The following SRBD1 variants were observed in gnomAD, a reference collection of about 807,000 sequenced individuals.
The protein encoded by SRBD1 is S1 RNA binding domain 1.
Under a neutral mutation model 115.3 loss-of-function variants are expected in SRBD1, and 88 were observed. The ratio of observed to expected loss-of-function variants is 0.76; its 90% CI spans 0.64 to 0.91. The LOEUF (loss-of-function observed/expected upper bound fraction) is 0.91, where lower values mean the gene tolerates loss of function less well. Ranked by LOEUF, SRBD1 falls within the 40% of genes least tolerant of loss-of-function variation. The pLI is 0.00. For missense variants in SRBD1, 1,385 were observed against 1,177.4 expected (o/e 1.18, Z -2.58); for synonymous variants, 509 against 407.7 (o/e 1.25, Z -2.99).
chr2:45,514,653 T>C (rs979229678), intron 14 of SRBD1, among the ~76,000 whole-genome samples: 1 of 152,118 alleles, frequency 6.6e-6, no homozygotes, highest in Non-Finnish European at 1.5e-5. Context: ...CAGAATCATA[T>C]GGGATGGCGG....
chr2:45,436,439 G>A (rs1291053022), intron 16 of SRBD1, among the ~76,000 whole-genome samples: 1 of 152,192 alleles, frequency 6.6e-6, no homozygotes, highest in Non-Finnish European at 1.5e-5. Context: ...ATATAAGATT[G>A]TGAGGTGTAT....
At position 45,569,207 on chromosome 2, in the gene SRBD1, G is replaced by T. The variant is rs1203310766; in HGVS notation, c.1305+4000C>A. The T allele has an allele frequency of 4.6e-5, 7 of 152,078 alleles. 1 individual carries two copies. The South Asian group carries it at 1.0e-3, about 23-fold the overall frequency. The allele number at this position is 152,078 out of a possible 1,614,324, so 9.4% of individuals were successfully genotyped here. A position where few individuals can be genotyped will look rare whatever the true frequency, so the allele number is the denominator to read the frequency against. On this transcript the variant is annotated intron_variant, in intron 9 of 20. Coordinates refer to ENST00000263736, the MANE Select transcript of SRBD1 (RefSeq NM_018079.5). ...ACTTTTTTATTTTTTTAAGAGGCAGGGTCCCACTGTTGACCAGGCTGGAAT... is the reference window on the plus strand; with the variant it reads ...ACTTTTTTATTTTTTTAAGAGGCAGTGTCCCACTGTTGACCAGGCTGGAAT...
At chr2:45,503,101 A>C (rs1360174188) in intron 14 of SRBD1, among the ~76,000 whole-genome samples, 2 of 152,216 alleles carry the variant, frequency 1.3e-5, no homozygotes, top group Non-Finnish European at 2.9e-5. Context: ...TGAAAGCTTA[A>C]GAGTTTTCCA....
intron 16 of SRBD1, among the ~76,000 whole-genome samples, chr2:45,458,931 A>T: frequency 6.9e-6 from 1 of 144,276 alleles, no homozygotes; most frequent in East Asian, 2.0e-4. Context: ...CAAGTCTCAA[A>T]TACTAAAGAG....
intron 14 of SRBD1, among the ~76,000 whole-genome samples, chr2:45,533,357 T>A (rs1671671440): frequency 6.6e-6 from 1 of 152,062 alleles, no homozygotes; most frequent in Non-Finnish European, 1.5e-5. Context: ...CAGAGATGGT[T>A]ACTAAAAGTC....
rs141001050 is a variant in SRBD1, at chr2:45,506,148, C to T, written c.1875-17817G>A. ...TTAGGGAGGAGTATTTACTGTCAAG[C>T]CATCTGGTTAGATACATCAGAAATC... On this transcript the variant is annotated intron_variant, in intron 14 of 20. Transcript: ENST00000263736. 7.1e-4 allele frequency among the ~76,000 whole-genome samples: 108 copies of T among 152,220 alleles called. 1 individual carries two copies. The highest frequency in any genetic ancestry group is 3.3e-3 in the Admixed American group (50 of 15,286).
intron 15 of SRBD1, among the ~76,000 whole-genome samples, chr2:45,478,517 C>T (rs3770270): frequency 0.052 from 7,916 of 152,170 alleles, 290 homozygotes; most frequent in East Asian, 0.17. Flanking sequence ...CCAGAAGAGA[C>T]GGGGATTCCA....
At chr2:45,493,675 G>A (rs553945334) in intron 14 of SRBD1, among the ~76,000 whole-genome samples, 12 of 152,008 alleles carry the variant, frequency 7.9e-5, no homozygotes, top group East Asian at 3.9e-4. Flanking sequence ...TCAGCCAAGC[G>A]TGGTGGTACA....
At chr2:45,531,684 T>C (rs1038937979) in intron 14 of SRBD1, among the ~76,000 whole-genome samples, 2 of 134,648 alleles carry the variant, frequency 1.5e-5, no homozygotes, top group African/African-American at 6.3e-5. Context: ...TTTCAAAACT[T>C]AGCTGTAAGA....
rs1673856575 is a variant in SRBD1, at chr2:45,595,204, A to G, written c.648+4245T>C. ...GTTGACTATATAGTTCTGCCTCTCC[A>G]AACAAGACAGTGATGTTCCTGAAAA... On this transcript the variant is annotated intron_variant, in intron 4 of 20. Transcript: ENST00000263736. 2.0e-5 allele frequency among the ~76,000 whole-genome samples: 3 copies of G among 152,354 alleles called. No homozygotes were observed. The South Asian group carries it at 6.2e-4, about 32-fold the overall frequency.
chr2:45,583,166 T>G (rs1319220153), intron 5 of SRBD1, among the ~76,000 whole-genome samples: 1 of 152,000 alleles, frequency 6.6e-6, no homozygotes, highest in Non-Finnish European at 1.5e-5. Context: ...ATAATATGAT[T>G]TATTCAAAAT....
intron 16 of SRBD1, among the ~76,000 whole-genome samples, chr2:45,425,348 G>A (rs1030798803): frequency 2.0e-4 from 30 of 152,122 alleles, no homozygotes; most frequent in Admixed American, 1.8e-3. Context: ...ACTTTATGCA[G>A]TATCTTCATA....
At chr2:45,490,041 A>G (rs752675813) in intron 14 of SRBD1, among the ~76,000 whole-genome samples, 1 of 152,188 alleles carries the variant, frequency 6.6e-6, no homozygotes, top group Non-Finnish European at 1.5e-5. Context: ...AATACGTTCC[A>G]TAACTTCAGA....
chr2:45,403,126 G>A lies in SRBD1; in HGVS notation c.2513+9988C>T, dbSNP rs146235472. On this transcript the variant is annotated intron_variant, in intron 19 of 20. Transcript: ENST00000263736. ...GACTTTTAGTCTGCAAAATCTAGGA[G>A]GGCCTTGGCCCTGGATACAATGCTC... Among the ~76,000 whole-genome samples the A allele has an allele frequency of 2.1e-3, 317 of 152,242 alleles. 3 individuals carry two copies. The highest frequency in any genetic ancestry group is 7.4e-3 in the African/African-American group (306 of 41,554).
chr2:45,527,618 T>C (rs148318336), intron 14 of SRBD1, among the ~76,000 whole-genome samples: 30 of 152,028 alleles, frequency 2.0e-4, no homozygotes, highest in African/African-American at 6.7e-4. Context: ...TTGTATACTA[T>C]GTGCCAAGCA....
Position 45,601,985 on chromosome 2 carries a change from T to C in SRBD1, c.179A>G (p.Lys60Arg). Residue 60 changes from lysine (K) to arginine (R), a missense_variant, in exon 3 of 21, where the codon AAA (lysine) becomes AGA (arginine). By Grantham distance (26) the Lys-to-Arg change is conservative. Transcript: ENST00000263736. ...SRKQPPPKES[K>R]PKRMPRVKKN... ...CTTCACCCGAGGCATCCTCTTTGGT[T>C]TGGATTCCTTGGGAGGGGGCTGTTT... 2 of 1,614,222 alleles carry C rather than the reference T, an allele frequency of 1.2e-6. No homozygotes were observed. Among genetic ancestry groups the C allele is most frequent in the South Asian group, 2.2e-5 (2 of 91,084 alleles).
At chr2:45,592,407 G>A (rs1175445516) in intron 4 of SRBD1, among the ~76,000 whole-genome samples, 7 of 152,136 alleles carry the variant, frequency 4.6e-5, no homozygotes, top group East Asian at 1.9e-4. Flanking sequence ...GAAGAATCAC[G>A]GGAAAGGGGC....
chr2:45,606,157 C>CTTTTTTTTTTTTT (rs71394845), intron 1 of SRBD1, among the ~76,000 whole-genome samples: 1 of 116,770 alleles, frequency 8.6e-6, no homozygotes, highest in Non-Finnish European at 1.8e-5. Flanking sequence ...TTTTCCTATT[C>CTTTTTTTTTTTTT]TTTTTTTTTT....
At chr2:45,464,584 T>C (rs10199168) in intron 16 of SRBD1, among the ~76,000 whole-genome samples, 12,991 of 152,194 alleles carry the variant, frequency 0.085, 746 homozygotes, top group African/African-American at 0.16. Context: ...GAATGTGGCA[T>C]TGGTTATTCT....
Sources: gnomAD v4.1 joint callset for allele counts (sites outside exome capture counted in the v4.1 genomes callset) on GRCh38, gnomAD v4.1.1 for gene constraint, MANE v1.5 for transcripts, NCBI Gene and HGNC (gene_info 2026-07-23, HGNC 2026-07-21) for gene names.